The following EXOC4 variants were observed in gnomAD, a reference collection of about 807,000 sequenced individuals.
EXOC4 encodes the protein SEC8-like 1.
In EXOC4, 71 loss-of-function variants were observed where a neutral mutation model predicts 107.2. The ratio of observed to expected loss-of-function variants is 0.66; its 90% CI spans 0.55 to 0.81. EXOC4 has a LOEUF of 0.81. Among genes scored for constraint, EXOC4 ranks in the 30% least tolerant of loss-of-function variants. The pLI is 0.00. For missense variants in EXOC4, 1,108 were observed against 1,189.6 expected, an observed-to-expected ratio of 0.93 and a Z score of 1.01; for synonymous variants, 456 against 441.2, an observed-to-expected ratio of 1.03 and a Z score of -0.42.
intron 7 of EXOC4, among the ~76,000 whole-genome samples, chr7:133,426,220 T>C (rs932029535): frequency 6.6e-6 from 1 of 152,248 alleles, no homozygotes; most frequent in Non-Finnish European, 1.5e-5. Flanking sequence ...CTATTCTATG[T>C]TCATTTTAAG....
intron 10 of EXOC4, among the ~76,000 whole-genome samples, chr7:133,737,134 A>G (rs1255086303): frequency 6.6e-6 from 1 of 152,180 alleles, no homozygotes; most frequent in Non-Finnish European, 1.5e-5. Context: ...CACATGTACA[A>G]TTATAATAAC....
intron 14 of EXOC4, among the ~76,000 whole-genome samples, chr7:133,956,820 G>C (rs997259189): frequency 6.6e-6 from 1 of 152,200 alleles, no homozygotes; most frequent in Non-Finnish European, 1.5e-5. Context: ...ATGGGGAAAA[G>C]CTGCAAAGAA....
intron 11 of EXOC4, among the ~76,000 whole-genome samples, chr7:133,880,255 A>G (rs1477966328): frequency 1.3e-5 from 2 of 152,196 alleles, no homozygotes; most frequent in Non-Finnish European, 2.9e-5. Context: ...ATCACCCCTG[A>G]AAAGAAAAGC....
chr7:133,960,929 G>A (rs1393831888), intron 14 of EXOC4, among the ~76,000 whole-genome samples: 3 of 152,146 alleles, frequency 2.0e-5, no homozygotes, highest in Admixed American at 6.5e-5. Flanking sequence ...ACAATCCTGT[G>A]TAAGTTTGGT....
At chr7:133,669,680 T>C (rs1264732267) in intron 10 of EXOC4, among the ~76,000 whole-genome samples, 1 of 152,194 alleles carries the variant, frequency 6.6e-6, no homozygotes, top group Non-Finnish European at 1.5e-5. Flanking sequence ...TATAGTGAAA[T>C]GCATTTGCGT....
chr7:133,477,202 T>G (rs79325071), intron 8 of EXOC4, among the ~76,000 whole-genome samples: 2,212 of 152,292 alleles, frequency 0.015, 64 homozygotes, highest in African/African-American at 0.05. Flanking sequence ...TAGAGTTCAC[T>G]CTTTGTGTTG....
intron 7 of EXOC4, among the ~76,000 whole-genome samples, chr7:133,445,617 T>TACAAACAAACAAACAAACAAACAA (rs10638999): frequency 1.3e-5 from 2 of 150,468 alleles, no homozygotes; most frequent in African/African-American, 4.9e-5. Flanking sequence ...GGACAGTTAC[T>TACAAACAAACAAACAAACAAACAA]ACAAACAAAC....
chr7:133,930,197 T>C (rs10273865), intron 13 of EXOC4, among the ~76,000 whole-genome samples: 3,117 of 152,292 alleles, frequency 0.02, 97 homozygotes, highest in African/African-American at 0.067. Context: ...GTTACTGTTA[T>C]AATTATGCAC....
chr7:133,704,479 C>G (rs1028052489), intron 10 of EXOC4, among the ~76,000 whole-genome samples: 1 of 152,086 alleles, frequency 6.6e-6, no homozygotes, highest in South Asian at 2.1e-4. Context: ...TTCCCTTTTT[C>G]CTATCACTGT....
chr7:133,508,157 CATG>C (rs1405706197), intron 9 of EXOC4, among the ~76,000 whole-genome samples: 2 of 152,012 alleles, frequency 1.3e-5, no homozygotes, highest in African/African-American at 4.8e-5. Flanking sequence ...AATAATACAT[CATG>C]ATATTTCTTA....
At chr7:133,511,546 G>T (rs925804529) in intron 9 of EXOC4, among the ~76,000 whole-genome samples, 1 of 152,126 alleles carries the variant, frequency 6.6e-6, no homozygotes, top group Non-Finnish European at 1.5e-5. Context: ...GCAGATGGGG[G>T]AGGGCAGAGA....
At chr7:133,365,929 G>A (rs925337180) in intron 6 of EXOC4, among the ~76,000 whole-genome samples, 1 of 152,110 alleles carries the variant, frequency 6.6e-6, no homozygotes, top group Non-Finnish European at 1.5e-5. Context: ...GAGCATAATC[G>A]TAGGGAAATA....
chr7:133,534,232 A>T (rs1037303965), intron 9 of EXOC4, among the ~76,000 whole-genome samples: 52 of 152,148 alleles, frequency 3.4e-4, no homozygotes, highest in African/African-American at 1.2e-3. Flanking sequence ...ATGACTGCAT[A>T]CATTTTAAAT....
intron 11 of EXOC4, among the ~76,000 whole-genome samples, chr7:133,847,372 T>A (rs562780872): frequency 3.3e-5 from 4 of 121,316 alleles, no homozygotes; most frequent in South Asian, 6.0e-4. Flanking sequence ...TCACTTCTTT[T>A]ATTTTTTTAA....
rs138557946 is a variant in EXOC4, at chr7:133,751,982, CAAAT to C, written c.1515-65314_1515-65311del. 4.4e-4 allele frequency among the ~76,000 whole-genome samples: 55 copies of C among 125,076 alleles called. No individual in the cohort carries two copies. The South Asian group carries it at 4.6e-3, about 10-fold the overall frequency. The allele number at this position is 125,076 out of a possible 152,430, so 82.1% of individuals were successfully genotyped here. ...CAACATAGTGAGACTATCTCTCTAC[CAAAT>C]AAATAAATAAATAAATAAATAAATA... On this transcript the variant is annotated intron_variant, in intron 10 of 17. Coordinates refer to ENST00000253861, the MANE Select transcript of EXOC4 (RefSeq NM_021807.4).
chr7:133,568,279 T>G (rs1800949233), intron 9 of EXOC4, among the ~76,000 whole-genome samples: 2 of 152,006 alleles, frequency 1.3e-5, no homozygotes, highest in South Asian at 4.1e-4. Flanking sequence ...CAATTTGAGA[T>G]ATGAGCTTCC....
chr7:133,798,823 C>T (rs149660571), intron 10 of EXOC4, among the ~76,000 whole-genome samples: 195 of 152,258 alleles, frequency 1.3e-3, no homozygotes, highest in African/African-American at 4.4e-3. Flanking sequence ...AAGCACAATC[C>T]CTCTACTCAG....
At chr7:133,335,893 G>A (rs1318991011) in intron 5 of EXOC4, among the ~76,000 whole-genome samples, 1 of 152,068 alleles carries the variant, frequency 6.6e-6, no homozygotes, top group African/African-American at 2.4e-5. Context: ...TAATGGGTAT[G>A]AGGATATATC....
At chr7:133,484,091 C>G in intron 9 of EXOC4, 1 of 1,613,188 alleles carries the variant, frequency 6.2e-7, no homozygotes, top group Non-Finnish European at 8.5e-7. Context: ...CATTAAAAAG[C>G]TCAAATTTTA....
Sources: allele counts gnomAD v4.1 joint callset (sites outside exome capture counted in the v4.1 genomes callset), GRCh38; gene constraint gnomAD v4.1.1; transcripts MANE v1.5; gene names NCBI Gene and HGNC (gene_info 2026-07-23, HGNC 2026-07-21).